FAF1: variants seen among roughly 807,000 people sequenced by gnomAD.
FAF1 encodes FAS-associated factor 1.
FAF1 carries 25 observed loss-of-function variants against 92.5 expected under a neutral mutation model. That is an observed-to-expected ratio of 0.27 (90% CI 0.20 to 0.38). The LOEUF is 0.38. Ranked by LOEUF, FAF1 falls within the 10% of genes least tolerant of loss-of-function variation. The pLI is 1.00. For missense variants in FAF1, 636 were observed against 793.3 expected, an observed-to-expected ratio of 0.80 and a Z score of 2.38; for synonymous variants, 234 against 273.2, an observed-to-expected ratio of 0.86 and a Z score of 1.42.
intron 7 of FAF1, among the ~76,000 whole-genome samples, chr1:50,683,110 A>G (rs554801768): frequency 6.6e-6 from 1 of 152,338 alleles, no homozygotes; most frequent in East Asian, 1.9e-4. Flanking sequence ...AAATAGTTTC[A>G]GGTTTAGATG....
intron 18 of FAF1, among the ~76,000 whole-genome samples, chr1:50,467,895 AC>A (rs539658668): frequency 6.6e-6 from 1 of 152,312 alleles, no homozygotes; most frequent in South Asian, 2.1e-4. Context: ...TACTCTTTCT[AC>A]AATGAATACA....
chr1:50,749,593 A>G (rs1659769481), intron 4 of FAF1, among the ~76,000 whole-genome samples: 1 of 152,168 alleles, frequency 6.6e-6, no homozygotes, highest in African/African-American at 2.4e-5. Context: ...TGAGACCAAC[A>G]TGAGCAACAC....
At chr1:50,522,436 G>T (rs1007708746) in intron 15 of FAF1, among the ~76,000 whole-genome samples, 13 of 152,204 alleles carry the variant, frequency 8.5e-5, no homozygotes, top group Non-Finnish European at 1.5e-4. Context: ...TAGAAGAGAT[G>T]ATTTAAAGGA....
intron 14 of FAF1, among the ~76,000 whole-genome samples, 192 bp from the exon 15 acceptor site, chr1:50,535,649 A>C (rs1648438037): frequency 6.6e-6 from 1 of 152,230 alleles, no homozygotes; most frequent in Admixed American, 6.5e-5. Flanking sequence ...ATAGTAGTAT[A>C]CTGGCAGTTG....
rs1355384661 is a variant in FAF1 at position 50,819,830 on chromosome 1, C to A, written c.115-18153G>T. 3.0e-5 allele frequency among the ~76,000 whole-genome samples: 4 copies of A among 132,022 alleles called. No homozygotes were observed. The East Asian group carries it at 8.2e-4, about 27-fold the overall frequency. The allele number at this position is 132,022 out of a possible 152,430, so 86.6% of individuals were successfully genotyped here. A position where few individuals can be genotyped will look rare whatever the true frequency, so the allele number is the denominator to read the frequency against. On this transcript the variant is annotated intron_variant, in intron 2 of 18. Coordinates refer to ENST00000396153, the MANE Select transcript of FAF1 (RefSeq NM_007051.3). ...ATATATATATATATAGTATTGTATA[C>A]CAGCTATTGTATATCAGCTTCAGCA...
intron 1 of FAF1, among the ~76,000 whole-genome samples, chr1:50,898,777 C>T (rs1172040314): frequency 6.6e-6 from 1 of 152,072 alleles, no homozygotes; most frequent in Non-Finnish European, 1.5e-5. Flanking sequence ...TTTGACTGTT[C>T]TTAAATTTTT....
At chr1:50,824,347 C>A (rs1644072960) in intron 2 of FAF1, among the ~76,000 whole-genome samples, 1 of 152,098 alleles carries the variant, frequency 6.6e-6, no homozygotes, top group South Asian at 2.1e-4. Flanking sequence ...ACTGCCAAAA[C>A]CTATTTGAAG....
At chr1:50,955,904 A>G (rs1281925365) in intron 1 of FAF1, among the ~76,000 whole-genome samples, 1 of 152,204 alleles carries the variant, frequency 6.6e-6, no homozygotes, top group Non-Finnish European at 1.5e-5. Flanking sequence ...CAAATACTCT[A>G]TGTTCCACTT....
chr1:50,464,060 T>G (rs1182111542), intron 18 of FAF1, among the ~76,000 whole-genome samples: 1 of 152,222 alleles, frequency 6.6e-6, no homozygotes, highest in Non-Finnish European at 1.5e-5. Context: ...TGGTGAGCTG[T>G]GCTATTCTTT....
chr1:50,738,836 T>C, intron 6 of FAF1, 27 bp downstream of exon 6: 3 of 1,437,384 alleles, frequency 2.1e-6, no homozygotes, highest in Non-Finnish European at 1.9e-6. Flanking sequence ...TTTCATTTCA[T>C]GTTCCCAGGA....
intron 15 of FAF1, among the ~76,000 whole-genome samples, chr1:50,495,402 G>A (rs1386135897): frequency 2.0e-5 from 3 of 152,124 alleles, no homozygotes; most frequent in Non-Finnish European, 4.4e-5. Flanking sequence ...TTAACATAAT[G>A]GCCTCCAATT....
chr1:50,766,793 A>C (rs1381916297), intron 4 of FAF1, among the ~76,000 whole-genome samples: 4 of 143,848 alleles, frequency 2.8e-5, no homozygotes, highest in East Asian at 3.9e-4. Context: ...CAAGCAAGCA[A>C]AAAAAAAAAA....
At chr1:50,445,341 T>C (rs1646216448) in intron 18 of FAF1, among the ~76,000 whole-genome samples, 1 of 152,130 alleles carries the variant, frequency 6.6e-6, no homozygotes. Flanking sequence ...AATGGAGAAA[T>C]TGAGCCCTGG....
At chr1:50,493,034 CTTT>C (rs527436973) in intron 15 of FAF1, among the ~76,000 whole-genome samples, 19 of 137,932 alleles carry the variant, frequency 1.4e-4, no homozygotes, top group African/African-American at 3.5e-4. Flanking sequence ...GATTAAACTT[CTTT>C]TTTTTTTTTT....
At chr1:50,739,725 A>G (rs1045933443) in intron 5 of FAF1, among the ~76,000 whole-genome samples, 24 of 152,158 alleles carry the variant, frequency 1.6e-4, no homozygotes, top group Non-Finnish European at 2.9e-5. Flanking sequence ...ATAGCCTGAG[A>G]GGTTAGGTAA....
At chr1:50,729,051 T>G (rs1658797868) in intron 6 of FAF1, among the ~76,000 whole-genome samples, 1 of 97,872 alleles carries the variant, frequency 1.0e-5, no homozygotes, top group South Asian at 3.9e-4. Flanking sequence ...TATATATATA[T>G]ATATATATTT....
chr1:50,456,547 G>A (rs924230872), intron 18 of FAF1, among the ~76,000 whole-genome samples: 1 of 152,192 alleles, frequency 6.6e-6, no homozygotes, highest in African/African-American at 2.4e-5. Flanking sequence ...TGACTGGTAA[G>A]ATGGAAAATA....
At chr1:50,624,063 T>A (rs1173962152) in intron 8 of FAF1, among the ~76,000 whole-genome samples, 3 of 152,106 alleles carry the variant, frequency 2.0e-5, no homozygotes, top group Admixed American at 1.3e-4. Context: ...CAAATGGCAC[T>A]GTATGCTAGT....
rs990479521 is a variant in FAF1 at position 50,437,226 on chromosome 1, T to C, written c.*4214A>G. The C allele has an allele frequency of 6.6e-6, 1 of 152,214 alleles. No individual in the cohort carries two copies. Among genetic ancestry groups the C allele is most frequent in the African/African-American group, 2.4e-5 (1 of 41,470 alleles). The allele number at this position is 152,214 out of a possible 1,614,324, so 9.4% of individuals were successfully genotyped here. The stretch of plus-strand genomic sequence containing the variant: ...TATTTCATCCTCTGGAGGTTTCTTT[T>C]AGATAAAAATACGGATTGATAAAAA... On this transcript the variant is annotated 3_prime_UTR_variant, in exon 19 of 19. Coordinates refer to ENST00000396153, the MANE Select transcript of FAF1 (RefSeq NM_007051.3).
Sources: allele counts gnomAD v4.1 joint callset (sites outside exome capture counted in the v4.1 genomes callset), GRCh38; gene constraint gnomAD v4.1.1; transcripts MANE v1.5; gene names NCBI Gene and HGNC (gene_info 2026-07-23, HGNC 2026-07-21).